The following CALN1 variants were observed in gnomAD, a reference collection of about 807,000 sequenced individuals.
The protein encoded by CALN1 is calcium-binding protein 8.
Under a neutral mutation model 30.6 loss-of-function variants are expected in CALN1, and 17 were observed. The observed-to-expected ratio is 0.56, with a 90% CI of 0.38 to 0.83. The LOEUF is 0.83. Ranked by LOEUF, CALN1 falls within the 40% of genes least tolerant of loss-of-function variation. CALN1 has a pLI of 0.00. For synonymous variants in CALN1, 156 were observed against 131.4 expected (o/e 1.19, Z -1.28); for missense variants, 291 against 354.9 (o/e 0.82, Z 1.45).
chr7:72,135,934 A>G (rs1377815441), intron 3 of CALN1, among the ~76,000 whole-genome samples: 1 of 152,020 alleles, frequency 6.6e-6, no homozygotes, highest in African/African-American at 2.4e-5. Flanking sequence ...GGAGTTCAAG[A>G]CCAGCCTGGT....
chr7:72,247,227 C>CTTTTTTTTTTTTTTTTTTTT (rs764276435), intron 3 of CALN1, among the ~76,000 whole-genome samples: 1 of 77,672 alleles, frequency 1.3e-5, no homozygotes, highest in African/African-American at 5.5e-5. Context: ...CATTTTCTTT[C>CTTTTTTTTTTTTTTTTTTTT]TTTTTTTTTT....
Position 71,787,244 on chromosome 7 carries a change from G to C in CALN1, c.*531C>G, listed in dbSNP as rs1389147076. On this transcript the variant is annotated 3_prime_UTR_variant, in exon 7 of 7. Transcript: ENST00000395275. ...TTAATGGCTTTCCCCTCATGCCTTG[G>C]GGGGGTCTCCACTGGGTGGAGGAAG... 1 of 155,044 alleles carries C rather than the reference G, an allele frequency of 6.4e-6. No homozygotes were observed. Among genetic ancestry groups the C allele is most frequent in the Non-Finnish European group, 1.4e-5 (1 of 69,464 alleles). The allele number at this position is 155,044 out of a possible 1,614,324, so 9.6% of individuals were successfully genotyped here.
chr7:72,141,272 A>G (rs1452323255), intron 3 of CALN1, among the ~76,000 whole-genome samples: 1 of 151,992 alleles, frequency 6.6e-6, no homozygotes, highest in Non-Finnish European at 1.5e-5. Flanking sequence ...AGCCTAAGTG[A>G]CAGGGCATGA....
At chr7:72,023,281 T>A (rs1800812633) in intron 5 of CALN1, among the ~76,000 whole-genome samples, 1 of 152,154 alleles carries the variant, frequency 6.6e-6, no homozygotes, top group Non-Finnish European at 1.5e-5. Context: ...ATTGACGGGA[T>A]CCAAATGTAC....
chr7:72,304,288 C>G (rs181590894), intron 2 of CALN1, among the ~76,000 whole-genome samples: 78 of 152,326 alleles, frequency 5.1e-4, no homozygotes, highest in African/African-American at 1.8e-3. Context: ...TTCTTCCTGT[C>G]TTTCAAAGGA....
chr7:71,974,842 T>A (rs2129526657), intron 5 of CALN1, among the ~76,000 whole-genome samples: 1 of 152,316 alleles, frequency 6.6e-6, no homozygotes, highest in East Asian at 1.9e-4. Context: ...GTTGGACTGG[T>A]GCAATTCCGC....
chr7:72,154,115 G>T (rs1436325866), intron 3 of CALN1, among the ~76,000 whole-genome samples: 1 of 151,986 alleles, frequency 6.6e-6, no homozygotes, highest in East Asian at 1.9e-4. Context: ...CCTCAGGCTA[G>T]ATCACAGAAG....
chr7:72,469,755 A>T, the CALN1 span, among the ~76,000 whole-genome samples: 1 of 152,220 alleles, frequency 6.6e-6, no homozygotes, highest in Admixed American at 6.5e-5. Context: ...ATCCTATGCC[A>T]GTACCACACT....
At chr7:72,386,441 T>G (rs1333337747) in intron 2 of CALN1, among the ~76,000 whole-genome samples, 2 of 152,228 alleles carry the variant, frequency 1.3e-5, no homozygotes, top group Non-Finnish European at 2.9e-5. Context: ...TTGATAAGGT[T>G]GTCTCCTATG....
chr7:72,232,997 A>G (rs1794218942), intron 3 of CALN1, among the ~76,000 whole-genome samples: 1 of 151,798 alleles, frequency 6.6e-6, no homozygotes, highest in South Asian at 2.1e-4. Context: ...GCATGTTTCC[A>G]TAACATGGAA....
rs1804940239 is a variant in CALN1, at chr7:72,382,132, T to A, written c.119+21119A>T. 2.0e-5 allele frequency among the ~76,000 whole-genome samples: 3 copies of A among 152,264 alleles called. No individual in the cohort carries two copies. In the South Asian group the frequency reaches 6.2e-4, roughly 32 times the overall value. On this transcript the variant is annotated intron_variant, in intron 2 of 6. Coordinates refer to ENST00000395275, the MANE Select transcript of CALN1 (RefSeq NM_031468.4). ...CCCCTTGGATGGACCCTAAGAGGAA[T>A]CAAAGCTGCAAGTGTTGGAGTCAAG...
intron 5 of CALN1, among the ~76,000 whole-genome samples, chr7:71,829,314 C>T (rs1789121965): frequency 6.6e-6 from 1 of 152,178 alleles, no homozygotes; most frequent in Admixed American, 6.5e-5. Flanking sequence ...GGCCACCCAC[C>T]TTGTCACCAA....
chr7:72,031,722 C>A (rs998526747), intron 4 of CALN1, among the ~76,000 whole-genome samples: 6 of 151,020 alleles, frequency 4.0e-5, no homozygotes, highest in South Asian at 4.2e-4. Flanking sequence ...TATGTGCCAC[C>A]ACGCCTGGCT....
At chr7:72,152,318 T>G (rs970441243) in intron 3 of CALN1, among the ~76,000 whole-genome samples, 1 of 152,224 alleles carries the variant, frequency 6.6e-6, no homozygotes, top group Non-Finnish European at 1.5e-5. Context: ...GTTCTGTTTA[T>G]GCCAAGATGA....
chr7:72,209,206 CTCCTTCCT>C (rs1792150858), intron 3 of CALN1, among the ~76,000 whole-genome samples: 2 of 125,390 alleles, frequency 1.6e-5, no homozygotes, highest in Non-Finnish European at 3.3e-5. Context: ...CCCTCCTTCC[CTCCTTCCT>C]TCCCTCCTTC....
chr7:72,239,146 C>T (rs1157888903), intron 3 of CALN1, among the ~76,000 whole-genome samples: 4 of 152,124 alleles, frequency 2.6e-5, no homozygotes, highest in Non-Finnish European at 5.9e-5. Flanking sequence ...CCTGTAATCC[C>T]AACAATTTGG....
At chr7:71,842,182 G>C (rs1223759394) in intron 5 of CALN1, among the ~76,000 whole-genome samples, 1 of 152,134 alleles carries the variant, frequency 6.6e-6, no homozygotes, top group African/African-American at 2.4e-5. Flanking sequence ...ACAAAGTCTA[G>C]TCCCGAGTAA....
intron 2 of CALN1, among the ~76,000 whole-genome samples, chr7:72,364,040 T>C (rs1803727056): frequency 2.0e-5 from 3 of 148,608 alleles, no homozygotes; most frequent in Admixed American, 6.9e-5. Flanking sequence ...CGGCACAAAA[T>C]GTGTTTTTAA....
chr7:71,982,451 G>T (rs971089351), intron 5 of CALN1, among the ~76,000 whole-genome samples: 3 of 152,058 alleles, frequency 2.0e-5, no homozygotes, highest in African/African-American at 7.2e-5. Context: ...AAAATTAGCT[G>T]GGCATGGCAG....
Sources: allele counts gnomAD v4.1 joint callset (sites outside exome capture counted in the v4.1 genomes callset), GRCh38; gene constraint gnomAD v4.1.1; transcripts MANE v1.5; gene names NCBI Gene and HGNC (gene_info 2026-07-23, HGNC 2026-07-21).